The following KLHL1 variants were observed in gnomAD, a reference collection of about 807,000 sequenced individuals.
The protein encoded by KLHL1 is kelch like family member 1.
KLHL1 carries 47 observed loss-of-function variants against 77.7 expected under a neutral mutation model. That is an observed-to-expected ratio of 0.60 (90% confidence interval 0.48 to 0.77). KLHL1 has a LOEUF of 0.77. KLHL1 is among the 30% of genes least tolerant of loss of function. KLHL1 has a pLI of 0.00. For missense variants in KLHL1, 925 were observed against 910.8 expected, an observed-to-expected ratio of 1.02 and a Z score of -0.20; for synonymous variants, 360 against 325.2, an observed-to-expected ratio of 1.11 and a Z score of -1.15.
At chr13:70,042,295 G>A (rs148965564) in intron 1 of KLHL1, among the ~76,000 whole-genome samples, 4 of 152,148 alleles carry the variant, frequency 2.6e-5, no homozygotes, top group South Asian at 2.1e-4. Context: ...CTGTGTGTGC[G>A]TGCTTGTGTG....
At chr13:69,893,327 C>T (rs1240793629) in intron 4 of KLHL1, among the ~76,000 whole-genome samples, 4 of 150,760 alleles carry the variant, frequency 2.7e-5, no homozygotes, top group African/African-American at 7.3e-5. Flanking sequence ...CTCCGCTTCC[C>T]GGGTTCACGC....
chr13:69,917,186 AGAGTT>A (rs1882474935), intron 4 of KLHL1, among the ~76,000 whole-genome samples: 1 of 152,042 alleles, frequency 6.6e-6, no homozygotes, highest in African/African-American at 2.4e-5. Flanking sequence ...TATGAGAAGT[AGAGTT>A]ATCTGTATAT....
intron 5 of KLHL1, among the ~76,000 whole-genome samples, chr13:69,839,420 C>T (rs1254256453): frequency 6.6e-6 from 1 of 151,754 alleles, no homozygotes; most frequent in Non-Finnish European, 1.5e-5. Flanking sequence ...TTATAGTGAT[C>T]AGCTTTTCTA....
intron 1 of KLHL1, among the ~76,000 whole-genome samples, chr13:70,015,348 C>A (rs1885631560): frequency 1.3e-5 from 2 of 152,068 alleles, no homozygotes. Flanking sequence ...ATTTGTGTAT[C>A]TAAACATAAA....
intron 4 of KLHL1, among the ~76,000 whole-genome samples, chr13:69,908,313 T>C (rs942308801): frequency 6.6e-6 from 1 of 151,530 alleles, no homozygotes; most frequent in Non-Finnish European, 1.5e-5. Context: ...GCCGAGAAGA[T>C]GGGAAGATGC....
chr13:69,955,527 C>T (rs578180014), intron 3 of KLHL1, among the ~76,000 whole-genome samples: 35 of 151,372 alleles, frequency 2.3e-4, no homozygotes, highest in African/African-American at 8.4e-4. Context: ...CAGGACCTGA[C>T]ACTTTGTTAG....
At chr13:69,766,203 G>A (rs1258401384) in intron 7 of KLHL1, among the ~76,000 whole-genome samples, 1 of 151,982 alleles carries the variant, frequency 6.6e-6, no homozygotes, top group Non-Finnish European at 1.5e-5. Context: ...AATTTAGCTT[G>A]GAGGACACAC....
intron 2 of KLHL1, among the ~76,000 whole-genome samples, 193 bp from the exon 3 acceptor site, chr13:69,961,637 T>A (rs1593990477): frequency 6.6e-6 from 1 of 152,162 alleles, no homozygotes; most frequent in East Asian, 1.9e-4. Flanking sequence ...AATAGAGCAT[T>A]CTCATACATT....
At chr13:69,741,909 T>C (rs138980771) in intron 7 of KLHL1, among the ~76,000 whole-genome samples, 95 of 152,284 alleles carry the variant, frequency 6.2e-4, no homozygotes, top group African/African-American at 2.2e-3. Context: ...CTGCAAGCTA[T>C]AAAACTACTT....
intron 1 of KLHL1, among the ~76,000 whole-genome samples, chr13:70,000,723 A>G (rs1208556300): frequency 6.6e-6 from 1 of 151,836 alleles, no homozygotes; most frequent in African/African-American, 2.4e-5. Context: ...GATGACAACA[A>G]AGTTTCCAAA....
intron 7 of KLHL1, among the ~76,000 whole-genome samples, chr13:69,755,859 C>T (rs78468749): frequency 0.022 from 3,329 of 152,182 alleles, 113 homozygotes; most frequent in African/African-American, 0.076. Flanking sequence ...AAAAATCATA[C>T]GTTTTGAAAG....
chr13:69,914,281 C>T (rs1882344556), intron 4 of KLHL1, among the ~76,000 whole-genome samples: 1 of 152,128 alleles, frequency 6.6e-6, no homozygotes, highest in Non-Finnish European at 1.5e-5. Context: ...TCACATTATA[C>T]ATTTCTACTG....
chr13:69,999,792 T>C (rs574753768), intron 1 of KLHL1, among the ~76,000 whole-genome samples: 7 of 152,148 alleles, frequency 4.6e-5, no homozygotes, highest in Admixed American at 1.3e-4. Context: ...GAGGACAAGA[T>C]GTATATGGAA....
In KLHL1 at chr13:69,874,523, C is replaced by T. The variant is rs1002607976; in HGVS notation, c.1227+7760G>A. Among the ~76,000 whole-genome samples the T allele has an allele frequency of 9.9e-5, 15 of 152,136 alleles. No individual in the cohort carries two copies. The East Asian group carries it at 2.9e-3, about 29-fold the overall frequency. On this transcript the variant is annotated intron_variant, in intron 5 of 10. Transcript: ENST00000377844. ...GGAAAAGGTCTAATGATTTAAATGG[C>T]CTTTGCTTTACTGCAGATGTTTCAC...
At chr13:69,809,588 T>C (rs1388629189) in intron 6 of KLHL1, among the ~76,000 whole-genome samples, 1 of 152,038 alleles carries the variant, frequency 6.6e-6, no homozygotes, top group African/African-American at 2.4e-5. Context: ...AGGATTATAC[T>C]TGCTATCACA....
At chr13:69,830,064 A>C (rs1878703082) in intron 6 of KLHL1, among the ~76,000 whole-genome samples, 1 of 150,032 alleles carries the variant, frequency 6.7e-6, no homozygotes, top group Admixed American at 6.7e-5. Flanking sequence ...GAAGGTATTC[A>C]GGCAAAAACT....
chr13:69,835,831 A>G (rs1878964470), intron 6 of KLHL1, among the ~76,000 whole-genome samples: 1 of 152,082 alleles, frequency 6.6e-6, no homozygotes, highest in Non-Finnish European at 1.5e-5. Context: ...ATGAAAAAAA[A>G]TAAGTGAAGA....
chr13:69,707,345 A>G (rs189425037), intron 10 of KLHL1, among the ~76,000 whole-genome samples: 169 of 152,100 alleles, frequency 1.1e-3, no homozygotes, highest in African/African-American at 3.9e-3. Context: ...TTTTTGCTTC[A>G]GGTAACTCAA....
intron 1 of KLHL1, among the ~76,000 whole-genome samples, chr13:70,064,876 G>GTACA (rs1886971537): frequency 1.3e-5 from 2 of 152,092 alleles, no homozygotes; most frequent in Admixed American, 6.6e-5. Context: ...TGACTAATGT[G>GTACA]TACATGTATG....
Sources: gnomAD v4.1 joint callset for allele counts (sites outside exome capture counted in the v4.1 genomes callset) on GRCh38, gnomAD v4.1.1 for gene constraint, MANE v1.5 for transcripts, NCBI Gene and HGNC (gene_info 2026-07-23, HGNC 2026-07-21) for gene names.